Variants in ASXL1 observed in about 807,000 individuals in gnomAD.
ASXL1 encodes ASXL transcriptional regulator 1, also known as polycomb group protein ASXL1.
Under a neutral mutation model 89.1 loss-of-function variants are expected in ASXL1, and 65 were observed. The observed-to-expected ratio is 0.73, with a 90% CI of 0.60 to 0.90. The LOEUF is 0.90. Ranked by LOEUF, ASXL1 falls within the 40% of genes least tolerant of loss-of-function variation. The pLI is 0.00. For synonymous variants in ASXL1, 739 were observed against 746.9 expected (o/e 0.99, Z 0.17); for missense variants, 1,786 against 1,942.9 (o/e 0.92, Z 1.52).
intron 4 of ASXL1, among the ~76,000 whole-genome samples, chr20:32,425,064 A>G (rs1173850760): frequency 1.3e-5 from 2 of 152,022 alleles, no homozygotes; most frequent in East Asian, 3.8e-4. Flanking sequence ...TTGCATTCCT[A>G]ATGCTGTAGT....
At chr20:32,398,380 A>C (rs2048805852) in intron 4 of ASXL1, among the ~76,000 whole-genome samples, 1 of 133,516 alleles carries the variant, frequency 7.5e-6, no homozygotes, top group Non-Finnish European at 1.7e-5. Context: ...TAGTACATTC[A>C]CAGTGTTGGG....
At chr20:32,407,901 C>T (rs1228759092) in intron 4 of ASXL1, among the ~76,000 whole-genome samples, 1 of 152,052 alleles carries the variant, frequency 6.6e-6, no homozygotes, top group Non-Finnish European at 1.5e-5. Flanking sequence ...TATTTTTTGG[C>T]TTTATATTTT....
intron 4 of ASXL1, chr20:32,427,250 T>C (rs1031001084): frequency 2.0e-5 from 3 of 152,232 alleles, no homozygotes; most frequent in African/African-American, 7.2e-5. Context: ...AAATTTGGGA[T>C]GGAGTTCTCC....
At chr20:32,400,346 T>C (rs1454304329) in intron 4 of ASXL1, among the ~76,000 whole-genome samples, 1 of 152,206 alleles carries the variant, frequency 6.6e-6, no homozygotes, top group Non-Finnish European at 1.5e-5. Flanking sequence ...ACATATGTTC[T>C]TTAACTTTGT....
intron 4 of ASXL1, among the ~76,000 whole-genome samples, chr20:32,392,024 T>G (rs954385874): frequency 2.0e-5 from 3 of 152,088 alleles, no homozygotes; most frequent in African/African-American, 7.2e-5. Flanking sequence ...GTGTGTCTAG[T>G]TTTTCCTAAT....
rs1364292412 is a variant in ASXL1, at chr20:32,369,110, T to G, written c.239T>G (p.Leu80Arg). The change falls in exon 4 of 13, where the codon CTT (leucine) becomes CGT (arginine). Residue 80 changes from leucine (L) to arginine (R), a missense_variant. Around this residue, in one of 3 missense-constraint regions of ASXL1, gnomAD observed 332 missense variants for 449.7 expected, o/e 0.74. Coordinates refer to ENST00000375687, the MANE Select transcript of ASXL1 (RefSeq NM_015338.6). ...TATAAACTGCCTGGCCGAATCAGCC[T>G]TTTCACGCTCAAGGTAAGTGATATG... ...LFYKLPGRIS[L>R]FTLKKDALQW... 6.2e-7 allele frequency: 1 copy of G among 1,610,154 alleles called. No individual in the cohort carries two copies.
Position 32,436,866 on chromosome 20 carries a change from G to T in ASXL1, c.4154G>T (p.Arg1385Met). 6.2e-7 allele frequency: 1 copy of T among 1,614,240 alleles called. No homozygotes were observed. The change falls in exon 13 of 13, where the codon AGG becomes ATG. Residue 1385 changes from arginine to methionine, a missense_variant. Coordinates refer to ENST00000375687, the MANE Select transcript of ASXL1 (RefSeq NM_015338.6). The stretch of plus-strand genomic sequence containing the variant: ...CCTCTTAAGGCAAATGCCGAGAACA[G>T]GAAAGCTACTGGGCATAGTCCCCTG... ...GGPLKANAEN[R>M]KATGHSPLEL...
chr20:32,392,594 G>A (rs898126671), intron 4 of ASXL1, among the ~76,000 whole-genome samples: 6 of 149,738 alleles, frequency 4.0e-5, no homozygotes, highest in Non-Finnish European at 5.9e-5. Context: ...AGGCTGAGGC[G>A]GGTAGCCACT....
chr20:32,390,279 T>C (rs1328873114), intron 4 of ASXL1, among the ~76,000 whole-genome samples: 1 of 152,178 alleles, frequency 6.6e-6, no homozygotes, highest in Non-Finnish European at 1.5e-5. Flanking sequence ...AGAGTATGGC[T>C]TCTCTTCAAT....
rs1396772404 is a variant in ASXL1, at chr20:32,358,746, G to A, written c.-30G>A. On this transcript the variant is annotated 5_prime_UTR_variant, in exon 1 of 13. In the 5' UTR this introduces an upstream ATG that the reference lacks. Transcript: ENST00000375687. ...AGCCCGCCCAGCCCGGAGGTCCCGCGTGGAGCTGCCGCCGCCGCCGGGGAG... is the reference window on the plus strand; with the variant it reads ...AGCCCGCCCAGCCCGGAGGTCCCGCATGGAGCTGCCGCCGCCGCCGGGGAG... 6 of 1,234,082 alleles carry A rather than the reference G, an allele frequency of 4.9e-6. No homozygotes were observed. The highest frequency in any genetic ancestry group is 6.5e-6 in the Non-Finnish European group (6 of 917,282). The allele number at this position is 1,234,082 out of a possible 1,614,324, so 76.4% of individuals were successfully genotyped here. A position where few individuals can be genotyped will look rare whatever the true frequency, so the allele number is the denominator to read the frequency against.
At chr20:32,434,036 T>A in intron 12 of ASXL1, 119 bp downstream of exon 12, 1 of 1,412,442 alleles carries the variant, frequency 7.1e-7, no homozygotes, top group East Asian at 2.3e-5. Flanking sequence ...TAGAGCTTTT[T>A]ATGAGAGGTT....
chr20:32,373,103 G>T (rs543392030), intron 4 of ASXL1, among the ~76,000 whole-genome samples: 2 of 150,424 alleles, frequency 1.3e-5, no homozygotes, highest in South Asian at 2.2e-4. Flanking sequence ...TGGGCTGGGC[G>T]CAGTGGCTCA....
In ASXL1 at chr20:32,436,292, A is replaced by C. The variant is rs2145383966; in HGVS notation, c.3580A>C (p.Thr1194Pro). 6.2e-7 allele frequency: 1 copy of C among 1,614,188 alleles called. No homozygotes were observed. The highest frequency in any genetic ancestry group is 8.5e-7 in the Non-Finnish European group (1 of 1,180,028). The change falls in exon 13 of 13, where the codon ACC becomes CCC. Residue 1194 changes from threonine to proline, a missense_variant. Transcript: ENST00000375687. ...CACTGGTCTTGCCAGGATTGAGGCC[A>C]CCCAGGCTCCTGGAGCACCCCAAAA... is the stretch of plus-strand genomic sequence containing the variant. ...TGTGLARIEA[T>P]QAPGAPQKNC...
intron 4 of ASXL1, among the ~76,000 whole-genome samples, chr20:32,378,156 ATT>A (rs1491526196): frequency 4.5e-5 from 2 of 44,416 alleles, no homozygotes; most frequent in African/African-American, 1.8e-4. Flanking sequence ...TGGCTGAGTA[ATT>A]TGTGTGTGTG....
At position 32,433,749 on chromosome 20, in the gene ASXL1, GGA is replaced by G. The variant is rs746713718; in HGVS notation, c.1552_1553del (p.Glu518ThrfsTer10). On this transcript the variant is annotated frameshift_variant, in exon 12 of 13. Coordinates refer to ENST00000375687, the MANE Select transcript of ASXL1 (RefSeq NM_015338.6). LOFTEE classifies it high-confidence loss of function. ...PSLPQETVDQ[E>X]PKDQKRKSFE... ...GCCTGCCTCAGGAAACTGTGGATCA[GGA>G]ACCCAAGGATCAGAAGAGGAAATCC... The G allele has an allele frequency of 6.2e-7, 1 of 1,614,022 alleles. No individual in the cohort carries two copies.
At chr20:32,388,891 A>G (rs2048623824) in intron 4 of ASXL1, among the ~76,000 whole-genome samples, 2 of 152,138 alleles carry the variant, frequency 1.3e-5, no homozygotes, top group African/African-American at 4.8e-5. Flanking sequence ...TATATAATTT[A>G]TTTTAAAATA....
chr20:32,374,788 G>C (rs2048350584), intron 4 of ASXL1, among the ~76,000 whole-genome samples: 1 of 152,050 alleles, frequency 6.6e-6, no homozygotes, highest in African/African-American at 2.4e-5. Flanking sequence ...TTACCATCTT[G>C]GTCACTTGAG....
rs2145356071 is a variant in ASXL1, at chr20:32,434,421, T to C, written c.1720-11T>C. 1 of 1,613,632 alleles carries C rather than the reference T, an allele frequency of 6.2e-7. No individual in the cohort carries two copies. The highest frequency in any genetic ancestry group is 8.5e-7 in the Non-Finnish European group (1 of 1,179,890). On this transcript the variant is annotated splice_polypyrimidine_tract_variant and intron_variant, in intron 12 of 12. Transcript: ENST00000375687. ...GTCAGTTAAAACTATTTTCTAATTCTTTTTTTGCAGATTCAACTTTCACGT... is the reference window on the plus strand; with the variant it reads ...GTCAGTTAAAACTATTTTCTAATTCCTTTTTTGCAGATTCAACTTTCACGT...
At position 32,401,544 on chromosome 20, in the gene ASXL1, G is replaced by GTTTT. The variant is rs35146454; in HGVS notation, c.253-26581_253-26578dup. On this transcript the variant is annotated intron_variant, in intron 4 of 12. Transcript: ENST00000375687. ...TATATGTGTGTGTGTGTGTGTGTGTGTTTTTTCCCCCCCCCCCTTTTTTTT... is the reference window on the plus strand; with the variant it reads ...TATATGTGTGTGTGTGTGTGTGTGTGTTTTTTTTTTCCCCCCCCCCCTTTTTTTT... Among the ~76,000 whole-genome samples, 160 of 69,286 alleles carry GTTTT rather than the reference G, an allele frequency of 2.3e-3. 3 individuals carry two copies. The highest frequency in any genetic ancestry group is 0.012 in the South Asian group (14 of 1,174). The allele number at this position is 69,286 out of a possible 152,430, so 45.5% of individuals were successfully genotyped here. A position where few individuals can be genotyped will look rare whatever the true frequency, so the allele number is the denominator to read the frequency against.
Sources: gnomAD v4.1 joint callset for allele counts (sites outside exome capture counted in the v4.1 genomes callset) on GRCh38, gnomAD v4.1.1 for gene constraint, gnomAD v4.1.1 regional missense constraint, MANE v1.5 for transcripts, NCBI Gene and HGNC (gene_info 2026-07-23, HGNC 2026-07-21) for gene names.